Variants in FLRT2 observed in about 807,000 individuals in gnomAD.
FLRT2 encodes the protein fibronectin leucine rich transmembrane protein 2.
In FLRT2, 15 loss-of-function variants were observed where a neutral mutation model predicts 40.0. The observed-to-expected ratio is 0.38, with a 90% CI of 0.25 to 0.58. FLRT2 has a LOEUF of 0.58. Among genes scored for constraint, FLRT2 ranks in the 20% least tolerant of loss-of-function variants. FLRT2 has a pLI of 0.71. For missense variants in FLRT2, 726 were observed against 840.0 expected (o/e 0.86, Z 1.68); for synonymous variants, 380 against 336.8 (o/e 1.13, Z -1.41).
intron 1 of FLRT2, among the ~76,000 whole-genome samples, chr14:85,550,168 C>G (rs1034308417): frequency 2.0e-5 from 3 of 152,078 alleles, no homozygotes; most frequent in African/African-American, 7.2e-5. Flanking sequence ...GCTGGCTTAT[C>G]AACAGGCAAA....
chr14:85,643,134 C>T lies in FLRT2; in HGVS notation c.*19637C>T, dbSNP rs1041552094. The T allele has an allele frequency of 6.6e-6, 1 of 152,170 alleles. No individual in the cohort carries two copies. Among genetic ancestry groups the T allele is most frequent in the Admixed American group, 6.6e-5 (1 of 15,266 alleles). 9.4% of individuals were successfully genotyped at this position (152,170 alleles called of 1,614,324 possible). On this transcript the variant is annotated 3_prime_UTR_variant, in exon 2 of 2. Coordinates refer to ENST00000330753, the MANE Select transcript of FLRT2 (RefSeq NM_013231.6). ...CTCCCAAAGGCCTCATCTTCAAACA[C>T]TATTCCACTCGGGGCTAGGATGTCA... is the stretch of plus-strand genomic sequence containing the variant.
intron 1 of FLRT2, among the ~76,000 whole-genome samples, chr14:85,601,697 A>G (rs568001697): frequency 6.6e-6 from 1 of 152,356 alleles, no homozygotes; most frequent in South Asian, 2.1e-4. Flanking sequence ...TAATGATAAT[A>G]CTTGCCTTAG....
Position 85,641,378 on chromosome 14 carries a change from A to C in FLRT2, c.*17881A>C, listed in dbSNP as rs1894144874. 1 of 152,234 alleles carries C rather than the reference A, an allele frequency of 6.6e-6. No individual in the cohort carries two copies. The highest frequency in any genetic ancestry group is 1.5e-5 in the Non-Finnish European group (1 of 68,044). 9.4% of individuals were successfully genotyped at this position (152,234 alleles called of 1,614,324 possible). Reference sequence around the variant, plus strand: ...TACAGGCACGTGTGCAGGATTTTCAAGGTAGAAGTGAAGTGGAAACTCTCT... The same window carrying C: ...TACAGGCACGTGTGCAGGATTTTCACGGTAGAAGTGAAGTGGAAACTCTCT... On this transcript the variant is annotated 3_prime_UTR_variant, in exon 2 of 2. Transcript: ENST00000330753.
intron 1 of FLRT2, among the ~76,000 whole-genome samples, chr14:85,552,242 G>T (rs1889673221): frequency 6.6e-6 from 1 of 152,170 alleles, no homozygotes; most frequent in South Asian, 2.1e-4. Context: ...TTGGCTCTGG[G>T]TTTAGTCTAC....
chr14:85,592,190 C>T (rs536017106), intron 1 of FLRT2, among the ~76,000 whole-genome samples: 1 of 152,006 alleles, frequency 6.6e-6, no homozygotes, highest in African/African-American at 2.4e-5. Flanking sequence ...AGTTGGTTTT[C>T]TTGTGATGGT....
At chr14:85,578,586 A>G (rs1891236965) in intron 1 of FLRT2, among the ~76,000 whole-genome samples, 1 of 152,158 alleles carries the variant, frequency 6.6e-6, no homozygotes, top group Admixed American at 6.5e-5. Flanking sequence ...CTCAGGACAA[A>G]GCTTTCAACC....
chr14:85,622,724 A>G lies in FLRT2; in HGVS notation c.1210A>G (p.Lys404Glu). 1 of 1,614,060 alleles carries G rather than the reference A, an allele frequency of 6.2e-7. No homozygotes were observed. The highest frequency in any genetic ancestry group is 8.5e-7 in the Non-Finnish European group (1 of 1,179,992). The change falls in exon 2 of 2, where the codon AAA becomes GAA. Residue 404 changes from lysine to glutamate, a missense_variant. Lys to Glu is a moderately conservative substitution (Grantham distance 56). Around this residue, in one of 3 missense-constraint regions of FLRT2, gnomAD observed 611 missense variants for 690.0 expected, o/e 0.89. Transcript: ENST00000330753. ...CACGCCTCCAACTCCTACCACATCGAAACTTCCCACGATTCCTGACTGGGA... is the reference window on the plus strand; with the variant it reads ...CACGCCTCCAACTCCTACCACATCGGAACTTCCCACGATTCCTGACTGGGA... ...SYTPPTPTTS[K>E]LPTIPDWDGR... is the part of the protein sequence containing the mutation.
chr14:85,541,426 G>A (rs1397140699), intron 1 of FLRT2, among the ~76,000 whole-genome samples: 1 of 152,158 alleles, frequency 6.6e-6, no homozygotes, highest in Non-Finnish European at 1.5e-5. Context: ...ATACAAGATT[G>A]AAGGGAGTGC....
In FLRT2 at chr14:85,622,052, G is replaced by C. The variant is rs771036586; in HGVS notation, c.538G>C (p.Val180Leu). 6.2e-7 allele frequency: 1 copy of C among 1,613,982 alleles called. No homozygotes were observed. The highest frequency in any genetic ancestry group is 8.5e-7 in the Non-Finnish European group (1 of 1,179,956). Residue 180 changes from valine (V) to leucine (L), a missense_variant, in exon 2 of 2, where the codon GTG becomes CTG. Transcript: ENST00000330753. ...HLSSVPVGLP[V>L]DLQELRVDEN... is the part of the protein sequence containing the mutation. ...GAGCAGTGTGCCTGTTGGGCTTCCT[G>C]TGGACTTGCAAGAGCTGAGAGTGGA...
At chr14:85,539,890 A>G (rs1216161635) in intron 1 of FLRT2, among the ~76,000 whole-genome samples, 3 of 152,150 alleles carry the variant, frequency 2.0e-5, no homozygotes, top group Admixed American at 6.5e-5. Context: ...TAACCAATAC[A>G]CTGGCTGCTA....
intron 1 of FLRT2, among the ~76,000 whole-genome samples, chr14:85,553,680 A>G (rs1009060210): frequency 1.3e-5 from 2 of 152,140 alleles, no homozygotes; most frequent in Non-Finnish European, 2.9e-5. Context: ...GTGGAAGGAA[A>G]GGGTGAGGAC....
chr14:85,535,024 G>A (rs1038609634), intron 1 of FLRT2, among the ~76,000 whole-genome samples: 3 of 152,186 alleles, frequency 2.0e-5, no homozygotes, highest in Admixed American at 6.5e-5. Flanking sequence ...CTTACAGTTA[G>A]CTAACCAAGT....
rs2139396173 is a variant in FLRT2, at chr14:85,639,645, A to AT, written c.*16149dup. The AT allele has an allele frequency of 6.6e-6, 1 of 152,130 alleles. No individual in the cohort carries two copies. Among genetic ancestry groups the AT allele is most frequent in the South Asian group, 2.1e-4 (1 of 4,816 alleles). The allele number at this position is 152,130 out of a possible 1,614,324, so 9.4% of individuals were successfully genotyped here. A position where few individuals can be genotyped will look rare whatever the true frequency, so the allele number is the denominator to read the frequency against. ...ATTAGAGTGTGTGTTAGTAGAATTT[A>AT]TATTTATAGACTATTGATATTATTA... On this transcript the variant is annotated 3_prime_UTR_variant, in exon 2 of 2. Coordinates refer to ENST00000330753, the MANE Select transcript of FLRT2 (RefSeq NM_013231.6).
intron 1 of FLRT2, among the ~76,000 whole-genome samples, chr14:85,583,158 C>A (rs1891466652): frequency 6.6e-6 from 1 of 152,136 alleles, no homozygotes; most frequent in Admixed American, 6.6e-5. Flanking sequence ...AAATTACTGG[C>A]AGGGATCAAC....
chr14:85,614,970 AG>A (rs1436573003), intron 1 of FLRT2, among the ~76,000 whole-genome samples: 3 of 152,226 alleles, frequency 2.0e-5, no homozygotes, highest in Admixed American at 6.5e-5. Flanking sequence ...ATATCTTATT[AG>A]TACTCTCTCA....
chr14:85,606,819 G>T (rs1239980291), intron 1 of FLRT2, among the ~76,000 whole-genome samples: 1 of 151,064 alleles, frequency 6.6e-6, no homozygotes, highest in Non-Finnish European at 1.5e-5. Flanking sequence ...ACCGCACCCG[G>T]CCGTTAGCTG....
chr14:85,622,853 G>C lies in FLRT2; in HGVS notation c.1339G>C (p.Val447Leu), dbSNP rs765263836. 5.0e-6 allele frequency: 8 copies of C among 1,614,132 alleles called. No individual in the cohort carries two copies. The South Asian group carries it at 8.8e-5, about 18-fold the overall frequency. ...AGTCAGCTGGCTCTCTCTCTTCACC[G>C]TGATGGCATACAAACTCACATGGGT... is the stretch of plus-strand genomic sequence containing the variant. ...IQVSWLSLFTVMAYKLTWVKM... is the reference protein window; with the variant it reads ...IQVSWLSLFTLMAYKLTWVKM... The change falls in exon 2 of 2, where the codon GTG becomes CTG. Residue 447 changes from valine to leucine, a missense_variant. Transcript: ENST00000330753.
chr14:85,595,883 TGAA>T (rs753545421), intron 1 of FLRT2, among the ~76,000 whole-genome samples: 1 of 152,196 alleles, frequency 6.6e-6, no homozygotes, highest in African/African-American at 2.4e-5. Flanking sequence ...CTTGGTTCTG[TGAA>T]GAAGATTTGG....
In FLRT2 at chr14:85,638,686, T is replaced by C. The variant is rs1894070604; in HGVS notation, c.*15189T>C. 6.6e-6 allele frequency: 1 copy of C among 152,194 alleles called. No homozygotes were observed. The highest frequency in any genetic ancestry group is 2.4e-5 in the African/African-American group (1 of 41,436). 9.4% of individuals were successfully genotyped at this position (152,194 alleles called of 1,614,324 possible). A position where few individuals can be genotyped will look rare whatever the true frequency, so the allele number is the denominator to read the frequency against. ...AAGTGTGAGGCTGGGCCCAAGGGAT[T>C]TCTTTACTTATTGAGCAGAGCGAAG... On this transcript the variant is annotated 3_prime_UTR_variant, in exon 2 of 2. Coordinates refer to ENST00000330753, the MANE Select transcript of FLRT2 (RefSeq NM_013231.6).
Sources: allele counts gnomAD v4.1 joint callset (sites outside exome capture counted in the v4.1 genomes callset), GRCh38; gene constraint gnomAD v4.1.1; regional missense constraint gnomAD v4.1.1; transcripts MANE v1.5; gene names NCBI Gene and HGNC (gene_info 2026-07-23, HGNC 2026-07-21).